The following KCTD8 variants were observed in gnomAD, a reference collection of about 807,000 sequenced individuals.
KCTD8 encodes potassium channel tetramerization domain containing 8, also known as BTB/POZ domain-containing protein KCTD8.
A neutral mutation model predicts 31.5 loss-of-function variants in KCTD8; 27 were observed. That is an observed-to-expected ratio of 0.86 (90% CI 0.63 to 1.18). The LOEUF (loss-of-function observed/expected upper bound fraction) is 1.18, where lower values mean the gene tolerates loss of function less well. Ranked by LOEUF, KCTD8 falls within the 50% of genes most tolerant of loss-of-function variation. The probability of loss-of-function intolerance (pLI) is 0.00; values close to 1 mark genes in which losing one functional copy is unlikely to be tolerated. For synonymous variants in KCTD8, 290 were observed against 280.0 expected (o/e 1.04, Z -0.36); for missense variants, 658 against 647.7 (o/e 1.02, Z -0.17).
At chr4:44,396,363 C>T (rs1720503505) in intron 1 of KCTD8, among the ~76,000 whole-genome samples, 1 of 152,046 alleles carries the variant, frequency 6.6e-6, no homozygotes, top group Non-Finnish European at 1.5e-5. Flanking sequence ...TGGCTATGGA[C>T]AGGTACAGGT....
rs1183723435 is a variant in KCTD8, at chr4:44,447,615, G to T, written c.909C>A (p.Asn303Lys). 6 of 1,605,306 alleles carry T rather than the reference G, an allele frequency of 3.7e-6. No homozygotes were observed. The African/African-American group carries it at 6.7e-5, about 18-fold the overall frequency. Residue 303 changes from asparagine to lysine, a missense_variant, in exon 1 of 2, where the codon AAC becomes AAA. By Grantham distance (94) the Asn-to-Lys change is moderately conservative. Transcript: ENST00000360029. ...CNSSGTAAFV[N>K]QYRDDKIWSS... Reference sequence around the variant, plus strand: ...TCCAGATCTTGTCGTCGCGGTACTGGTTGACGAAGGCGGCGGTGCCCGAGG... The same window carrying T: ...TCCAGATCTTGTCGTCGCGGTACTGTTTGACGAAGGCGGCGGTGCCCGAGG...
At chr4:44,202,890 GAGCAGTATTAA>G (rs1438048716) in intron 1 of KCTD8, among the ~76,000 whole-genome samples, 3 of 152,054 alleles carry the variant, frequency 2.0e-5, no homozygotes, top group Admixed American at 6.5e-5. Flanking sequence ...TCTTTAGTTA[GAGCAGTATTAA>G]ATAGGAAAAT....
chr4:44,216,381 C>T (rs1714652521), intron 1 of KCTD8, among the ~76,000 whole-genome samples: 1 of 151,992 alleles, frequency 6.6e-6, no homozygotes, highest in South Asian at 2.1e-4. Flanking sequence ...ATCATAAGGG[C>T]AAATAAGATC....
At chr4:44,193,809 A>T (rs74792431) in intron 1 of KCTD8, among the ~76,000 whole-genome samples, 4,854 of 152,242 alleles carry the variant, frequency 0.032, 260 homozygotes, top group African/African-American at 0.11. Context: ...TTAGGTTGCA[A>T]TATCCTCTGA....
chr4:44,402,939 A>G (rs1454189339), intron 1 of KCTD8, among the ~76,000 whole-genome samples: 1 of 152,208 alleles, frequency 6.6e-6, no homozygotes, highest in Non-Finnish European at 1.5e-5. Context: ...ACTAAAGATG[A>G]TATCATGATA....
At chr4:44,354,080 A>G (rs886501894) in intron 1 of KCTD8, among the ~76,000 whole-genome samples, 1 of 152,094 alleles carries the variant, frequency 6.6e-6, no homozygotes, top group Non-Finnish European at 1.5e-5. Flanking sequence ...TTATTACCAT[A>G]CTTCTAATGC....
intron 1 of KCTD8, among the ~76,000 whole-genome samples, chr4:44,418,920 T>C (rs1721143493): frequency 6.6e-6 from 1 of 152,216 alleles, no homozygotes; most frequent in African/African-American, 2.4e-5. Context: ...TTTGTTCACA[T>C]GACAACTACC....
At chr4:44,289,889 T>A (rs11942372) in intron 1 of KCTD8, among the ~76,000 whole-genome samples, 4,464 of 152,134 alleles carry the variant, frequency 0.029, 236 homozygotes, top group African/African-American at 0.1. Context: ...GGGCCAAATT[T>A]TGCAAGAAAT....
intron 1 of KCTD8, among the ~76,000 whole-genome samples, chr4:44,329,719 TA>T (rs1718544234): frequency 6.6e-6 from 1 of 151,960 alleles, no homozygotes; most frequent in African/African-American, 2.4e-5. Flanking sequence ...TATTGAATGA[TA>T]AAACAAAGGT....
intron 1 of KCTD8, among the ~76,000 whole-genome samples, chr4:44,303,849 A>C (rs548317663): frequency 1.3e-5 from 2 of 152,202 alleles, no homozygotes; most frequent in East Asian, 3.9e-4. Context: ...ATCGTTTTTA[A>C]CATTTTCTAA....
chr4:44,185,615 G>T (rs562707416), intron 1 of KCTD8, among the ~76,000 whole-genome samples: 2 of 152,218 alleles, frequency 1.3e-5, no homozygotes, highest in South Asian at 2.1e-4. Flanking sequence ...TACCAATGCT[G>T]GCTTTTCTCT....
At chr4:44,377,750 G>A (rs544828676) in intron 1 of KCTD8, among the ~76,000 whole-genome samples, 1 of 152,292 alleles carries the variant, frequency 6.6e-6, no homozygotes, top group African/African-American at 2.4e-5. Flanking sequence ...CTTCACTGAA[G>A]AAAACCACAT....
chr4:44,397,629 C>T (rs1720539556), intron 1 of KCTD8, among the ~76,000 whole-genome samples: 2 of 152,062 alleles, frequency 1.3e-5, no homozygotes, highest in Admixed American at 1.3e-4. Flanking sequence ...AATAGTATTC[C>T]ATCTGAATAA....
chr4:44,311,261 C>T (rs1717942727), intron 1 of KCTD8, among the ~76,000 whole-genome samples: 1 of 152,034 alleles, frequency 6.6e-6, no homozygotes, highest in Non-Finnish European at 1.5e-5. Context: ...GCAATGAGCA[C>T]GTGTGCTCTC....
At chr4:44,297,241 A>G (rs1198000167) in intron 1 of KCTD8, among the ~76,000 whole-genome samples, 1 of 152,128 alleles carries the variant, frequency 6.6e-6, no homozygotes, top group African/African-American at 2.4e-5. Flanking sequence ...AATTAAATCA[A>G]AACAGATTAG....
At chr4:44,267,670 G>C (rs1361497272) in intron 1 of KCTD8, among the ~76,000 whole-genome samples, 4 of 152,074 alleles carry the variant, frequency 2.6e-5, no homozygotes, top group Non-Finnish European at 4.4e-5. Context: ...AGAAAAAAGA[G>C]AGAAGAATCA....
intron 1 of KCTD8, among the ~76,000 whole-genome samples, chr4:44,313,999 T>C (rs1419094356): frequency 1.3e-5 from 2 of 152,184 alleles, no homozygotes; most frequent in Non-Finnish European, 2.9e-5. Context: ...AGACAATGAA[T>C]GGTCATGTAA....
chr4:44,216,730 A>G (rs938228035), intron 1 of KCTD8, among the ~76,000 whole-genome samples: 6 of 152,224 alleles, frequency 3.9e-5, no homozygotes, highest in Non-Finnish European at 7.3e-5. Context: ...TAAACAGTTC[A>G]CATACATTGA....
At chr4:44,313,921 G>A (rs1239981381) in intron 1 of KCTD8, among the ~76,000 whole-genome samples, 2 of 152,272 alleles carry the variant, frequency 1.3e-5, no homozygotes, top group Admixed American at 6.5e-5. Context: ...CCAAACTTAC[G>A]GAAATGGAAC....
Sources: gnomAD v4.1 joint callset for allele counts (sites outside exome capture counted in the v4.1 genomes callset) on GRCh38, gnomAD v4.1.1 for gene constraint, MANE v1.5 for transcripts, NCBI Gene and HGNC (gene_info 2026-07-23, HGNC 2026-07-21) for gene names.